Variants in RAB11FIP4 observed in about 807,000 individuals in gnomAD.
RAB11FIP4 encodes rab11 family-interacting protein 4.
In RAB11FIP4, 23 loss-of-function variants were observed where a neutral mutation model predicts 74.3. The observed-to-expected ratio is 0.31, with a 90% CI of 0.22 to 0.44. The LOEUF is 0.44. Among genes scored for constraint, RAB11FIP4 ranks in the 20% least tolerant of loss-of-function variants. The probability of loss-of-function intolerance (pLI) is 1.00; values close to 1 mark genes in which losing one functional copy is unlikely to be tolerated. For missense variants in RAB11FIP4, 630 were observed against 863.9 expected (o/e 0.73, Z 3.39); for synonymous variants, 360 against 359.9 (o/e 1.00, Z 0.00).
chr17:31,442,638 A>G (rs149472170), intron 3 of RAB11FIP4, among the ~76,000 whole-genome samples: 62 of 152,286 alleles, frequency 4.1e-4, no homozygotes, highest in African/African-American at 1.4e-3. Context: ...CAGACGGTAA[A>G]TTCAGGCAAG....
chr17:31,479,410 G>A (rs940442167), intron 3 of RAB11FIP4, among the ~76,000 whole-genome samples: 6 of 152,176 alleles, frequency 3.9e-5, no homozygotes, highest in Non-Finnish European at 8.8e-5. Flanking sequence ...TTGTCTGTGG[G>A]TGAGGGATTC....
In RAB11FIP4 at chr17:31,534,914, C is replaced by T. The variant is rs775020083; in HGVS notation, c.*3182C>T. The T allele has an allele frequency of 4.5e-5, 7 of 154,240 alleles. No homozygotes were observed. The highest frequency in any genetic ancestry group is 2.0e-4 in the Admixed American group (3 of 15,266). The allele number at this position is 154,240 out of a possible 1,614,324, so 9.6% of individuals were successfully genotyped here. A position where few individuals can be genotyped will look rare whatever the true frequency, so the allele number is the denominator to read the frequency against. Reference sequence around the variant, plus strand: ...AATGAACTGAACCAGGAGTGAGCTTCGTGTACATTATCTATTAGAAAATGA... The same window carrying T: ...AATGAACTGAACCAGGAGTGAGCTTTGTGTACATTATCTATTAGAAAATGA... On this transcript the variant is annotated 3_prime_UTR_variant, in exon 15 of 15. Coordinates refer to ENST00000621161, the MANE Select transcript of RAB11FIP4 (RefSeq NM_032932.6).
At chr17:31,410,055 A>G (rs1381399871) in intron 1 of RAB11FIP4, among the ~76,000 whole-genome samples, 1 of 152,140 alleles carries the variant, frequency 6.6e-6, no homozygotes, top group African/African-American at 2.4e-5. Flanking sequence ...CACCTGCGAA[A>G]TTGGGATGCG....
intron 3 of RAB11FIP4, among the ~76,000 whole-genome samples, chr17:31,491,264 A>T (rs942249337): frequency 6.6e-6 from 1 of 152,236 alleles, no homozygotes; most frequent in Non-Finnish European, 1.5e-5. Context: ...CACATTTCCC[A>T]GTACAGGGCA....
chr17:31,524,117 C>T (rs979957671), intron 9 of RAB11FIP4, 121 bp downstream of exon 9: 15 of 703,294 alleles, frequency 2.1e-5, no homozygotes, highest in African/African-American at 1.2e-4. Flanking sequence ...GGGTCTGTGA[C>T]GCATCAGCCT....
intron 3 of RAB11FIP4, among the ~76,000 whole-genome samples, chr17:31,443,958 A>ACCTGAG (rs1364898852): frequency 6.6e-6 from 1 of 152,204 alleles, no homozygotes; most frequent in East Asian, 1.9e-4. Flanking sequence ...GGGAACCCAG[A>ACCTGAG]CCTGAGCCTG....
rs530490894 is a variant in RAB11FIP4 at position 31,414,993 on chromosome 17, C to T, written c.160-16820C>T. Among the ~76,000 whole-genome samples, 3 of 152,346 alleles carry T rather than the reference C, an allele frequency of 2.0e-5. No individual in the cohort carries two copies. In the East Asian group the frequency reaches 5.8e-4, roughly 29 times the overall value. ...CTTCCATTGAGCTTCCCAGCGTTGA[C>T]CCAAGAGGGCATCCCTTCTCCAGCA... is the stretch of plus-strand genomic sequence containing the variant. On this transcript the variant is annotated intron_variant, in intron 1 of 14. Transcript: ENST00000621161.
intron 2 of RAB11FIP4, among the ~76,000 whole-genome samples, chr17:31,432,288 C>T (rs1291119171): frequency 6.6e-6 from 1 of 151,892 alleles, no homozygotes; most frequent in Non-Finnish European, 1.5e-5. Context: ...CTGGACAAAG[C>T]GCTGGTCACA....
intron 3 of RAB11FIP4, among the ~76,000 whole-genome samples, chr17:31,491,368 C>T (rs79028803): frequency 0.032 from 4,817 of 152,224 alleles, 205 homozygotes; most frequent in African/African-American, 0.09. Flanking sequence ...ACAAAACAGA[C>T]GAGAACCCCT....
rs115144533 is a variant in RAB11FIP4 at position 31,409,760 on chromosome 17, G to T, written c.159+17749G>T. ...GTACACAGTACTGGGTTTATAGTGT[G>T]TAACAGGGGCACAGTGTTACTTAAC... On this transcript the variant is annotated intron_variant, in intron 1 of 14. Coordinates refer to ENST00000621161, the MANE Select transcript of RAB11FIP4 (RefSeq NM_032932.6). 6.3e-3 allele frequency among the ~76,000 whole-genome samples: 955 copies of T among 152,276 alleles called. 19 individuals are homozygous for T. The highest frequency in any genetic ancestry group is 0.022 in the African/African-American group (912 of 41,544).
intron 3 of RAB11FIP4, among the ~76,000 whole-genome samples, chr17:31,496,525 C>G (rs2072119057): frequency 6.6e-6 from 1 of 152,208 alleles, no homozygotes; most frequent in Admixed American, 6.5e-5. Context: ...TTGGACATTA[C>G]TCTTCTTCCC....
intron 3 of RAB11FIP4, among the ~76,000 whole-genome samples, chr17:31,510,749 G>A (rs534040703): frequency 2.0e-5 from 3 of 152,272 alleles, no homozygotes; most frequent in Admixed American, 1.3e-4. Context: ...AAACCCAGCC[G>A]AGCTGCAGCC....
chr17:31,498,985 A>G (rs187367395), intron 3 of RAB11FIP4, among the ~76,000 whole-genome samples: 56 of 152,322 alleles, frequency 3.7e-4, no homozygotes, highest in Non-Finnish European at 7.2e-4. Flanking sequence ...TTGAAAAGCT[A>G]TAATTTGTAG....
intron 13 of RAB11FIP4, 66 bp from the exon 14 acceptor site, chr17:31,530,259 GA>G (rs2072844202): frequency 1.3e-6 from 2 of 1,585,712 alleles, no homozygotes; most frequent in East Asian, 4.5e-5. Context: ...TGGATGTGGA[GA>G]AGTGGGTTCC....
At chr17:31,402,208 TCCATC>T (rs1298411966) in intron 1 of RAB11FIP4, among the ~76,000 whole-genome samples, 1 of 151,218 alleles carries the variant, frequency 6.6e-6, no homozygotes, top group Non-Finnish European at 1.5e-5. Context: ...CATCCATCCA[TCCATC>T]CATCCATCCA....
chr17:31,523,583 A>T lies in RAB11FIP4; in HGVS notation c.1001A>T (p.Asp334Val). ...STEDLFRDSI[D>V]SCDNDITEKV... ...GAAGACCTGTTCCGGGACAGCATTG[A>T]CTCTTGCGACAATGACATCACAGAG... The change falls in exon 8 of 15, where the codon GAC (aspartate) becomes GTC (valine). Residue 334 changes from aspartate (D) to valine (V), a missense_variant. Asp to Val is a radical substitution (Grantham distance 152). Coordinates refer to ENST00000621161, the MANE Select transcript of RAB11FIP4 (RefSeq NM_032932.6). The T allele has an allele frequency of 6.2e-7, 1 of 1,613,914 alleles. No individual in the cohort carries two copies. The highest frequency in any genetic ancestry group is 8.5e-7 in the Non-Finnish European group (1 of 1,179,938).
At chr17:31,436,699 C>T (rs922686813) in intron 3 of RAB11FIP4, among the ~76,000 whole-genome samples, 2 of 151,818 alleles carry the variant, frequency 1.3e-5, no homozygotes, top group African/African-American at 2.4e-5. Context: ...CTCCTTGTTT[C>T]TTCATGGGAC....
intron 3 of RAB11FIP4, among the ~76,000 whole-genome samples, chr17:31,511,335 C>A (rs2072448447): frequency 6.6e-6 from 1 of 152,192 alleles, no homozygotes; most frequent in African/African-American, 2.4e-5. Context: ...TGGCAGCCTG[C>A]CAGGCAGGTG....
rs1567661112 is a variant in RAB11FIP4, at chr17:31,453,381, C to CAAAAAAAAAA, written c.336+19262_336+19263insAAAAAAAAAA. ...AAAAAAAAAAAAAAAAAAAAAAAAA[C>CAAAAAAAAAA]AAACCTGGGGAGAGTTTGGGACCTT... On this transcript the variant is annotated intron_variant, in intron 3 of 14. Transcript: ENST00000621161. 1.2e-3 allele frequency among the ~76,000 whole-genome samples: 100 copies of CAAAAAAAAAA among 85,836 alleles called. 1 individual carries two copies. Among genetic ancestry groups the CAAAAAAAAAA allele is most frequent in the African/African-American group, 4.4e-3 (95 of 21,484 alleles). 56.3% of individuals were successfully genotyped at this position (85,836 alleles called of 152,430 possible).
Sources: gnomAD v4.1 joint callset for allele counts (sites outside exome capture counted in the v4.1 genomes callset) on GRCh38, gnomAD v4.1.1 for gene constraint, MANE v1.5 for transcripts, NCBI Gene and HGNC (gene_info 2026-07-23, HGNC 2026-07-21) for gene names.